PLEC: variants seen among roughly 807,000 people sequenced by gnomAD.
PLEC encodes plectin.
PLEC carries 216 observed loss-of-function variants against 392.8 expected under a neutral mutation model. The observed-to-expected ratio is 0.55, with a 90% CI of 0.49 to 0.62. The LOEUF is 0.62. PLEC is among the 20% of genes least tolerant of loss of function. PLEC has a pLI of 0.00. For synonymous variants in PLEC, 3,621 were observed against 2,980.6 expected, an observed-to-expected ratio of 1.21 and a Z score of -7.00; for missense variants, 6,863 against 6,563.4, an observed-to-expected ratio of 1.05 and a Z score of -1.58.
chr8:143,920,617 G>T lies in PLEC; in HGVS notation c.9204C>A (p.Ile3068=). The T allele has an allele frequency of 1.2e-6, 2 of 1,607,904 alleles. No homozygotes were observed. Among genetic ancestry groups the T allele is most frequent in the Non-Finnish European group, 8.5e-7 (1 of 1,179,882 alleles). ...TCAGCCGGGCGCTGGTGGCGGGGTC[G>T]ATGATGTGCCCGGTGCCGGCCTGGG... ...LEAQAGTGHI[I]DPATSARLTV... The change falls in exon 32 of 32, where the codon ATC becomes ATA. Residue 3068 remains isoleucine (I), a synonymous_variant. Coordinates refer to ENST00000345136, the MANE Select transcript of PLEC (RefSeq NM_201384.3).
In PLEC at chr8:143,969,543, G is replaced by C. The variant is rs1316054362; in HGVS notation, c.70+3860C>G. On this transcript the variant is annotated intron_variant, in intron 1 of 31. Transcript: ENST00000356346. This position sits in a 1 kb window ranked among gnomAD's most constrained non-coding sequence, Gnocchi z 5.1. ...CGTCCTGCCACACCATGGGAGCCTG[G>C]AGAGAGACCTGGGGTGGGTGTGGCA... 6.6e-6 allele frequency among the ~76,000 whole-genome samples: 1 copy of C among 152,236 alleles called. No individual in the cohort carries two copies. Among genetic ancestry groups the C allele is most frequent in the Non-Finnish European group, 1.5e-5 (1 of 68,040 alleles).
chr8:143,950,047 G>A (rs1587356873), intron 1 of PLEC: 6 of 1,157,314 alleles, frequency 5.2e-6, no homozygotes, highest in African/African-American at 4.7e-5. Context: ...GGCTAGGGGG[G>A]GCCACCTGCT....
At chr8:143,972,638 C>A (rs1554744673) in intron 1 of PLEC, among the ~76,000 whole-genome samples, 1 of 152,264 alleles carries the variant, frequency 6.6e-6, no homozygotes, top group African/African-American at 2.4e-5. Context: ...CAGCTCAGTC[C>A]CTTGCTCCTA....
chr8:143,922,938 G>T lies in PLEC; in HGVS notation c.6991C>A (p.Leu2331Met). ...GCAAGCTCCTTCTGCTGCTGCAGCAGTTCCGCCTCAGCCTTGAGTCGCGTG... is the reference window on the plus strand; with the variant it reads ...GCAAGCTCCTTCTGCTGCTGCAGCATTTCCGCCTCAGCCTTGAGTCGCGTG... ...EATRLKAEAE[L>M]LQQQKELAQE... The change falls in exon 31 of 32, where the codon CTG becomes ATG. Residue 2331 changes from leucine (L) to methionine (M), a missense_variant. Leu to Met is a conservative substitution (Grantham distance 15). Transcript: ENST00000345136. 1 of 1,606,692 alleles carries T rather than the reference G, an allele frequency of 6.2e-7. No individual in the cohort carries two copies. The highest frequency in any genetic ancestry group is 8.5e-7 in the Non-Finnish European group (1 of 1,177,084).
chr8:143,943,983 G>T, upstream of PLEC: 2 of 1,536,942 alleles, frequency 1.3e-6, no homozygotes, highest in Non-Finnish European at 1.7e-6. Flanking sequence ...CAGGGCGAGC[G>T]AGGGGGAGCG....
In PLEC at chr8:143,938,659, G is replaced by T. The variant is rs1829736697; in HGVS notation, c.146C>A (p.Thr49Asn). ...ERDRVQKKTF[T>N]KWVNKHLIKA... ...GATGAGGTGCTTGTTGACCCACTTG[G>T]TGAAGGTTTTCTTCTGCACACGATC... The change falls in exon 2 of 32, where the codon ACC becomes AAC. Residue 49 changes from threonine to asparagine, a missense_variant. Thr to Asn is a moderately conservative substitution (Grantham distance 65, BLOSUM62 0). Transcript: ENST00000345136. 6.2e-7 allele frequency: 1 copy of T among 1,613,860 alleles called. No individual in the cohort carries two copies. Among genetic ancestry groups the T allele is most frequent in the Non-Finnish European group, 8.5e-7 (1 of 1,179,956 alleles).
chr8:143,974,487 C>T (rs1264008042), upstream of PLEC, among the ~76,000 whole-genome samples: 1 of 152,260 alleles, frequency 6.6e-6, no homozygotes, highest in African/African-American at 2.4e-5. This position sits in a 1 kb window ranked among gnomAD's most constrained non-coding sequence, Gnocchi z 5.9. Flanking sequence ...CTCTCCTTCC[C>T]TCTTTCCTGC....
Position 143,918,323 on chromosome 8 carries a change from G to A in PLEC, c.11498C>T (p.Thr3833Met), listed in dbSNP as rs189389994. 83 of 1,588,362 alleles carry A rather than the reference G, an allele frequency of 5.2e-5. No homozygotes were observed. The highest frequency in any genetic ancestry group is 5.1e-4 in the Admixed American group (30 of 58,356). The change falls in exon 32 of 32, where the codon ACG becomes ATG. Residue 3833 changes from threonine to methionine, a missense_variant. Coordinates refer to ENST00000345136, the MANE Select transcript of PLEC (RefSeq NM_201384.3). ...AYQRGYLNKD[T>M]HDQLSEPSEV... ...GCTGGGCTCTGACAGCTGGTCGTGC[G>A]TGTCCTTGTTGAGGTAGCCACGCTG...
chr8:143,971,348 T>C (rs1833419472), intron 1 of PLEC, among the ~76,000 whole-genome samples: 1 of 151,942 alleles, frequency 6.6e-6, no homozygotes, highest in Non-Finnish European at 1.5e-5. Flanking sequence ...CACCAAATGC[T>C]GAGCTGGGCC....
chr8:143,934,405 T>C lies in PLEC; in HGVS notation c.1082A>G (p.Tyr361Cys), dbSNP rs782666771. 1.4e-5 allele frequency: 23 copies of C among 1,612,224 alleles called. No individual in the cohort carries two copies. Among genetic ancestry groups the C allele is most frequent in the Non-Finnish European group, 1.9e-5 (23 of 1,179,860 alleles). Residue 361 changes from tyrosine (Y) to cysteine (C), a missense_variant, in exon 11 of 32, where the codon TAC (tyrosine) becomes TGC (cysteine). By Grantham distance (194) the Tyr-to-Cys change is radical. Coordinates refer to ENST00000345136, the MANE Select transcript of PLEC (RefSeq NM_201384.3). ...CTCCTTCTCCACATCCAGCGGGTGG[T>C]AGCCAGGGGGCACCTTGAGCTGGCC... ...QAGQLKVPPGYHPLDVEKEWG... is the reference protein window; with the variant it reads ...QAGQLKVPPGCHPLDVEKEWG...
At position 143,922,979 on chromosome 8, in the gene PLEC, TGCATCTTCTCCTTGA is replaced by T. The variant is rs1554691071; in HGVS notation, c.6935_6949del (p.Leu2312_Met2316del). The stretch of plus-strand genomic sequence containing the variant: ...GAGTCGCGTGGCCTCCTGCACCGCC[TGCATCTTCTCCTTGA>T]GCATCTTCTCTGCCAAGGCCCGCTG... On this transcript the variant is annotated inframe_deletion, in exon 31 of 32. Coordinates refer to ENST00000345136, the MANE Select transcript of PLEC (RefSeq NM_201384.3). 2 of 1,611,570 alleles carry T rather than the reference TGCATCTTCTCCTTGA, an allele frequency of 1.2e-6. No individual in the cohort carries two copies. The highest frequency in any genetic ancestry group is 1.7e-5 in the Admixed American group (1 of 59,828).
At position 143,921,385 on chromosome 8, in the gene PLEC, C is replaced by A. The variant is rs200557943; in HGVS notation, c.8436G>T (p.Thr2812=). The change falls in exon 32 of 32, where the codon ACG becomes ACT. Residue 2812 remains threonine, a synonymous_variant. Coordinates refer to ENST00000345136, the MANE Select transcript of PLEC (RefSeq NM_201384.3). ...GIRLLEAQIA[T]GGVIDPVHSH... ...TGTGCACGGGGTCGATAACGCCGCC[C>A]GTGGCGATCTGGGCCTCCAGCAGGC... 10 of 1,613,212 alleles carry A rather than the reference C, an allele frequency of 6.2e-6. No homozygotes were observed. The African/African-American group carries it at 1.2e-4, about 19-fold the overall frequency.
chr8:143,956,659 C>T (rs933031271), upstream of PLEC, among the ~76,000 whole-genome samples: 1 of 152,246 alleles, frequency 6.6e-6, no homozygotes, highest in African/African-American at 2.4e-5. Context: ...TTTCATGCAC[C>T]GACTCCGCCT....
chr8:143,976,049 C>A (rs1374661203), upstream of PLEC, among the ~76,000 whole-genome samples: 1 of 151,980 alleles, frequency 6.6e-6, no homozygotes, highest in Non-Finnish European at 1.5e-5. Context: ...CACGCCACCC[C>A]ACCTCAGCCC....
chr8:143,953,835 G>A (rs117644030), upstream of PLEC: 24,966 of 1,600,304 alleles, frequency 0.016, 1,847 homozygotes, highest in East Asian at 0.24. Flanking sequence ...GCACCGCACT[G>A]CCCAGGCCAG....
Position 143,932,505 on chromosome 8 carries a change from G to T in PLEC, c.1872C>A (p.Ala624=), listed in dbSNP as rs782547448. 6.8e-6 allele frequency: 11 copies of T among 1,612,320 alleles called. No homozygotes were observed. Among genetic ancestry groups the T allele is most frequent in the Non-Finnish European group, 9.3e-6 (11 of 1,179,836 alleles). Residue 624 remains alanine, a synonymous_variant, in exon 16 of 32, where the codon GCC becomes GCA. Coordinates refer to ENST00000345136, the MANE Select transcript of PLEC (RefSeq NM_201384.3). ...TCAGCCACATTAGCTCCTTAGTGGC[G>T]GCTGCCACAAAGCTGTGCAAGCTCT... The part of the protein sequence containing the change: ...SLESLHSFVA[A]ATKELMWLNE...
chr8:143,938,610 G>C, intron 2 of PLEC, 21 bp downstream of exon 2: 1 of 1,612,342 alleles, frequency 6.2e-7, no homozygotes, highest in South Asian at 1.1e-5. Flanking sequence ...CCTGTGACAC[G>C]CACCAGCATG....
In PLEC at chr8:143,929,129, G is replaced by A; in HGVS notation, c.3234C>T (p.Arg1078=). The A allele has an allele frequency of 6.3e-7, 1 of 1,584,358 alleles. No homozygotes were observed. Among genetic ancestry groups the A allele is most frequent in the South Asian group, 1.1e-5 (1 of 87,270 alleles). Residue 1078 remains arginine (R), a synonymous_variant, in exon 25 of 32, where the codon CGC becomes CGT. Coordinates refer to ENST00000345136, the MANE Select transcript of PLEC (RefSeq NM_201384.3). ...ELTLGKLEQV[R]SLSAIYLEKL... ...TCTCCAGGTAGATGGCAGACAGGCT[G>A]CGGACCTGCTCCAGCTTGCCCAGCG...
At chr8:143,945,022 C>A (rs1015754591) in intron 1 of PLEC, among the ~76,000 whole-genome samples, 1 of 151,902 alleles carries the variant, frequency 6.6e-6, no homozygotes, top group African/African-American at 2.4e-5. Flanking sequence ...GCGGGAGGTG[C>A]GGGCTCACGT....
Sources: gnomAD v4.1 joint callset for allele counts (sites outside exome capture counted in the v4.1 genomes callset) on GRCh38, gnomAD v4.1.1 for gene constraint, Gnocchi (gnomAD v3.1) non-coding constraint, MANE v1.5 for transcripts, NCBI Gene and HGNC (gene_info 2026-07-23, HGNC 2026-07-21) for gene names.